The following BAIAP2 variants were observed in gnomAD, a reference collection of about 807,000 sequenced individuals.
The protein encoded by BAIAP2 is BAR/IMD domain-containing adapter protein 2.
A neutral mutation model predicts 63.0 loss-of-function variants in BAIAP2; 18 were observed. That is an observed-to-expected ratio of 0.29 (90% CI 0.20 to 0.42). BAIAP2 has a LOEUF of 0.42. Ranked by LOEUF, BAIAP2 falls within the 10% of genes least tolerant of loss-of-function variation. The pLI is 1.00. For missense variants in BAIAP2, 610 were observed against 734.3 expected, an observed-to-expected ratio of 0.83 and a Z score of 1.96; for synonymous variants, 386 against 307.6, an observed-to-expected ratio of 1.25 and a Z score of -2.67.
intron 2 of BAIAP2, chr17:81,057,587 G>T: frequency 9.0e-7 from 1 of 1,106,722 alleles, no homozygotes; most frequent in South Asian, 4.2e-5. Context: ...GGCCCTGCCT[G>T]GTAGCACGTG....
chr17:81,102,699 G>T (rs1340177091), intron 7 of BAIAP2, among the ~76,000 whole-genome samples: 1 of 150,086 alleles, frequency 6.7e-6, no homozygotes, highest in Admixed American at 6.7e-5. Flanking sequence ...CAGCGTGGGT[G>T]CCCAGCCACA....
At chr17:81,115,098 A>G (rs1394247974) in intron 13 of BAIAP2, among the ~76,000 whole-genome samples, 1 of 151,946 alleles carries the variant, frequency 6.6e-6, no homozygotes, top group Non-Finnish European at 1.5e-5. Flanking sequence ...TTCCATTTCA[A>G]CTTCTTGTCT....
chr17:81,051,088 C>T (rs928844500), intron 1 of BAIAP2, among the ~76,000 whole-genome samples: 2 of 151,864 alleles, frequency 1.3e-5, no homozygotes, highest in Non-Finnish European at 2.9e-5. Context: ...GCCTCCCTGC[C>T]CCGGCTCCCA....
At chr17:81,036,865 G>A (rs1474833438) in intron 1 of BAIAP2, 5 of 1,535,682 alleles carry the variant, frequency 3.3e-6, no homozygotes, top group South Asian at 2.4e-5. Context: ...GATTGCAGAG[G>A]GTGGAAGAGA....
intron 7 of BAIAP2, among the ~76,000 whole-genome samples, chr17:81,102,653 C>T (rs1403281541): frequency 1.3e-5 from 2 of 152,224 alleles, no homozygotes; most frequent in African/African-American, 2.4e-5. Context: ...AGGACTTGCT[C>T]AGAATGGCTG....
chr17:81,096,807 C>T (rs552462510), intron 6 of BAIAP2, among the ~76,000 whole-genome samples: 1 of 152,372 alleles, frequency 6.6e-6, no homozygotes, highest in African/African-American at 2.4e-5. Flanking sequence ...CTGTCGCACT[C>T]TACCCCTTCC....
intron 12 of BAIAP2, chr17:81,107,314 C>T (rs2059303231): frequency 5.4e-6 from 1 of 184,024 alleles, no homozygotes; most frequent in Non-Finnish European, 1.1e-5. Flanking sequence ...CTCCCTCAGT[C>T]ACATCCATGA....
rs1047244540 is a variant in BAIAP2, at chr17:81,046,094, A to C, written c.55-7574A>C. 6.6e-6 allele frequency among the ~76,000 whole-genome samples: 1 copy of C among 152,110 alleles called. No homozygotes were observed. Among genetic ancestry groups the C allele is most frequent in the Non-Finnish European group, 1.5e-5 (1 of 67,998 alleles). On this transcript the variant is annotated intron_variant, in intron 1 of 13. Coordinates refer to ENST00000428708, the MANE Select transcript of BAIAP2 (RefSeq NM_001144888.2). The surrounding 1 kb of genome is among the most constrained non-coding windows in gnomAD (Gnocchi z 4.5). Reference sequence around the variant, plus strand: ...ACCCTATTAATACTCACAGGGAGGCAGAGCTGCCGGCTCCTGCACGCCCAG... The same window carrying C: ...ACCCTATTAATACTCACAGGGAGGCCGAGCTGCCGGCTCCTGCACGCCCAG...
intron 3 of BAIAP2, among the ~76,000 whole-genome samples, chr17:81,071,222 G>A (rs1004384734): frequency 1.3e-5 from 2 of 152,194 alleles, no homozygotes; most frequent in Non-Finnish European, 2.9e-5. Context: ...GCAGAGAGAA[G>A]GGGCGGGATT....
At position 81,108,528 on chromosome 17, in the gene BAIAP2, C is replaced by T. The variant is rs183892320; in HGVS notation, c.1535+19C>T. On this transcript the variant is annotated intron_variant, in intron 13 of 13. Coordinates refer to ENST00000428708, the MANE Select transcript of BAIAP2 (RefSeq NM_001144888.2). ...TGAGCAGGTAAGGGGACTTTCAGAC[C>T]TGTCTTTGGGACCGTGGGTGGGTGT... The T allele has an allele frequency of 8.7e-5, 141 of 1,613,838 alleles. 1 individual carries two copies. The highest frequency in any genetic ancestry group is 2.3e-4 in the Admixed American group (14 of 60,020).
intron 1 of BAIAP2, among the ~76,000 whole-genome samples, chr17:81,051,888 C>T (rs1447477745): frequency 6.6e-6 from 1 of 152,194 alleles, no homozygotes; most frequent in Non-Finnish European, 1.5e-5. Context: ...TGGGGTCTTA[C>T]CACGTTGCCC....
At chr17:81,088,951 A>T (rs1479575595) in intron 6 of BAIAP2, among the ~76,000 whole-genome samples, 2 of 152,094 alleles carry the variant, frequency 1.3e-5, no homozygotes, top group African/African-American at 4.8e-5. Context: ...CCACGCAGTC[A>T]CTGTGGCCCT....
rs1047205278 is a variant in BAIAP2, at chr17:81,038,257, T to C, written c.54+2949T>C. On this transcript the variant is annotated intron_variant, in intron 1 of 13. Transcript: ENST00000428708. ...CTCTTGGGGAAGCCCCGTGCATCCC[T>C]GTGTGCTGAGGGGCTGGCTCCCTGG... Among the ~76,000 whole-genome samples, 4 of 152,214 alleles carry C rather than the reference T, an allele frequency of 2.6e-5. No individual in the cohort carries two copies. In the East Asian group the frequency reaches 5.8e-4, roughly 22 times the overall value.
intron 7 of BAIAP2, among the ~76,000 whole-genome samples, chr17:81,101,967 A>G (rs2058550734): frequency 1.3e-5 from 2 of 152,158 alleles, no homozygotes; most frequent in Non-Finnish European, 2.9e-5. Flanking sequence ...TGACGGGGCC[A>G]GGGAGTGAGA....
intron 6 of BAIAP2, among the ~76,000 whole-genome samples, chr17:81,098,962 G>GTCCCCCCA (rs57728912): frequency 0.014 from 1,945 of 137,450 alleles, 35 homozygotes; most frequent in African/African-American, 0.043. Flanking sequence ...CATTCTCCCC[G>GTCCCCCCA]TCCCCCCATC....
At chr17:81,111,101 T>C in intron 13 of BAIAP2, 1 of 982,364 alleles carries the variant, frequency 1.0e-6, no homozygotes, top group Non-Finnish European at 1.6e-6. Flanking sequence ...CCTCTCACTC[T>C]GGGTGCTGGG....
chr17:81,057,972 G>GGGGCCC lies in BAIAP2; in HGVS notation c.217+5_217+6insGGGCCC. Reference sequence around the variant, plus strand: ...GCCAGGGCTCCAAAGAACTCGGTGAGACCCCCCCCCCCCCCCCGCCTGGTA... The same window carrying GGGGCCC: ...GCCAGGGCTCCAAAGAACTCGGTGAGGGGCCCACCCCCCCCCCCCCCCCGCCTGGTA... On this transcript the variant is annotated splice_donor_region_variant and intron_variant, in intron 3 of 13. Coordinates refer to ENST00000428708, the MANE Select transcript of BAIAP2 (RefSeq NM_001144888.2). The GGGGCCC allele has an allele frequency of 2.2e-6, 2 of 911,328 alleles. No homozygotes were observed. The allele number at this position is 911,328 out of a possible 1,614,324, so 56.5% of individuals were successfully genotyped here.
rs1196240399 is a variant in BAIAP2 at position 81,084,821 on chromosome 17, C to G, written c.218-11C>G. ...ACTCCCTCCCCTTCCTTCTGCTGTT[C>G]TGCTTCCCAGGAGACGTTCTCTTCC... On this transcript the variant is annotated splice_polypyrimidine_tract_variant and intron_variant, in intron 3 of 13. Coordinates refer to ENST00000428708, the MANE Select transcript of BAIAP2 (RefSeq NM_001144888.2). The G allele has an allele frequency of 1.9e-6, 3 of 1,613,300 alleles. No homozygotes were observed. Among genetic ancestry groups the G allele is most frequent in the African/African-American group, 2.7e-5 (2 of 74,942 alleles).
At chr17:81,109,811 C>T (rs1393901666) in intron 13 of BAIAP2, 1 of 985,448 alleles carries the variant, frequency 1.0e-6, no homozygotes, top group East Asian at 1.1e-4. Flanking sequence ...AGAGACCACC[C>T]CACCCCCACA....
Sources: allele counts gnomAD v4.1 joint callset (sites outside exome capture counted in the v4.1 genomes callset), GRCh38; gene constraint gnomAD v4.1.1; non-coding constraint Gnocchi (gnomAD v3.1); transcripts MANE v1.5; gene names NCBI Gene and HGNC (gene_info 2026-07-23, HGNC 2026-07-21).